The following ADAMTS17 variants were observed in gnomAD, a reference collection of about 807,000 sequenced individuals.
ADAMTS17 encodes the protein ADAM metallopeptidase with thrombospondin type 1 motif 17.
In ADAMTS17, 113 loss-of-function variants were observed where a neutral mutation model predicts 141.5. The ratio of observed to expected loss-of-function variants is 0.80; its 90% CI spans 0.69 to 0.93. The LOEUF (loss-of-function observed/expected upper bound fraction) is 0.93. Ranked by LOEUF, ADAMTS17 falls within the 40% of genes least tolerant of loss-of-function variation. ADAMTS17 has a pLI of 0.00. For missense variants in ADAMTS17, 1,659 were observed against 1,517.9 expected (o/e 1.09, Z -1.54); for synonymous variants, 768 against 630.6 (o/e 1.22, Z -3.27).
chr15:100,144,005 C>T (rs1015939306), intron 10 of ADAMTS17, among the ~76,000 whole-genome samples: 3 of 152,198 alleles, frequency 2.0e-5, no homozygotes, highest in African/African-American at 7.2e-5. Flanking sequence ...CTTCTGGAGG[C>T]ACCTGATGGA....
At chr15:100,217,110 T>TG (rs2041993092) in intron 7 of ADAMTS17, among the ~76,000 whole-genome samples, 1 of 126,026 alleles carries the variant, frequency 7.9e-6, no homozygotes, top group South Asian at 2.3e-4. Context: ...ATCTTTCTGA[T>TG]AGGAAAAATA....
intron 18 of ADAMTS17, among the ~76,000 whole-genome samples, chr15:100,003,605 A>T (rs545711918): frequency 6.6e-6 from 1 of 152,282 alleles, no homozygotes; most frequent in South Asian, 2.1e-4. Context: ...CAGCAGCATT[A>T]TTCACAATAG....
At chr15:100,297,202 G>A (rs2044854185) in intron 3 of ADAMTS17, among the ~76,000 whole-genome samples, 1 of 152,190 alleles carries the variant, frequency 6.6e-6, no homozygotes, top group Admixed American at 6.5e-5. Context: ...AGCACGGTAT[G>A]TTCTAGAAAC....
intron 4 of ADAMTS17, among the ~76,000 whole-genome samples, chr15:100,263,839 G>T (rs2043615127): frequency 6.6e-6 from 1 of 152,234 alleles, no homozygotes; most frequent in Non-Finnish European, 1.5e-5. Flanking sequence ...AGCAGGTGCT[G>T]TGTTCACGCT....
rs529255437 is a variant in ADAMTS17 at position 100,051,918 on chromosome 15, A to G, written c.2296-187T>C. ...CAGCCCTGGATTCCTCAGGGACTCA[A>G]CTGAGGAGTGGGGTGAATGCAAACC... On this transcript the variant is annotated intron_variant, in intron 16 of 21. Coordinates refer to ENST00000268070, the MANE Select transcript of ADAMTS17 (RefSeq NM_139057.4). Among the ~76,000 whole-genome samples, 29 of 152,284 alleles carry G rather than the reference A, an allele frequency of 1.9e-4. No individual in the cohort carries two copies. In the South Asian group the frequency reaches 6.0e-3, roughly 32 times the overall value.
chr15:100,283,483 T>C (rs2044349217), intron 3 of ADAMTS17, among the ~76,000 whole-genome samples: 1 of 152,226 alleles, frequency 6.6e-6, no homozygotes. Context: ...GCAGGAGCTC[T>C]GTTGTAACCA....
Position 99,973,158 on chromosome 15 carries a change from G to A in ADAMTS17, c.*1244C>T, listed in dbSNP as rs561561821. On this transcript the variant is annotated 3_prime_UTR_variant, in exon 22 of 22. Transcript: ENST00000268070. ...GCTGCCAGGCGTAAGGGGGCTGCAG[G>A]GGGGAAGGACCTTCCTTCATCATGC... is the stretch of plus-strand genomic sequence containing the variant. The A allele has an allele frequency of 1.1e-5, 1 of 89,220 alleles. No individual in the cohort carries two copies. The highest frequency in any genetic ancestry group is 2.6e-5 in the Non-Finnish European group (1 of 38,590). The allele number at this position is 89,220 out of a possible 1,614,324, so 5.5% of individuals were successfully genotyped here. A position where few individuals can be genotyped will look rare whatever the true frequency, so the allele number is the denominator to read the frequency against.
Position 100,096,604 on chromosome 15 carries a change from A to G in ADAMTS17, c.2017-128T>C, listed in dbSNP as rs1203485523. On this transcript the variant is annotated intron_variant, in intron 14 of 21. Transcript: ENST00000268070. ...GGGCCTGGGGCCCTGATCCATTCAGAGGCCCAAGAAAATATTTTAATTCAG... is the reference window on the plus strand; with the variant it reads ...GGGCCTGGGGCCCTGATCCATTCAGGGGCCCAAGAAAATATTTTAATTCAG... 2.6e-6 allele frequency: 3 copies of G among 1,163,454 alleles called. No individual in the cohort carries two copies. The African/African-American group carries it at 4.6e-5, about 18-fold the overall frequency. 72.1% of individuals were successfully genotyped at this position (1,163,454 alleles called of 1,614,324 possible).
intron 12 of ADAMTS17, among the ~76,000 whole-genome samples, chr15:100,120,508 G>A (rs546869729): frequency 2.0e-5 from 3 of 152,338 alleles, no homozygotes; most frequent in African/African-American, 7.2e-5. Flanking sequence ...CCTCCACCAG[G>A]TGAAGTGGCT....
At chr15:100,178,846 C>A (rs754403010) in intron 8 of ADAMTS17, among the ~76,000 whole-genome samples, 14 of 152,078 alleles carry the variant, frequency 9.2e-5, no homozygotes, top group Non-Finnish European at 1.6e-4. Context: ...ATTATTTCAA[C>A]ACTTAAAAAA....
intron 7 of ADAMTS17, among the ~76,000 whole-genome samples, chr15:100,225,427 G>T (rs1007649810): frequency 1.3e-5 from 2 of 152,246 alleles, no homozygotes; most frequent in African/African-American, 4.8e-5. Flanking sequence ...AGCCATTCAT[G>T]CAGTCCTTAA....
At chr15:100,133,687 G>C (rs2038177143) in intron 10 of ADAMTS17, among the ~76,000 whole-genome samples, 1 of 152,148 alleles carries the variant, frequency 6.6e-6, no homozygotes, top group Non-Finnish European at 1.5e-5. Flanking sequence ...GGCTGTCTAG[G>C]GGACACAGAA....
In ADAMTS17 at chr15:100,056,924, G is replaced by C. The variant is rs2032623285; in HGVS notation, c.2138-2870C>G. On this transcript the variant is annotated intron_variant, in intron 15 of 21. Transcript: ENST00000268070. ...CAAGCTTTATGGTAAGGTGCCTCCG[G>C]GGCCTGGGAATGTTGTGGGACGGGG... is the stretch of plus-strand genomic sequence containing the variant. Among the ~76,000 whole-genome samples the C allele has an allele frequency of 2.0e-5, 3 of 152,040 alleles. No homozygotes were observed. In the South Asian group the frequency reaches 6.2e-4, roughly 32 times the overall value.
At chr15:100,136,079 T>C in intron 10 of ADAMTS17, among the ~76,000 whole-genome samples, 2 of 152,190 alleles carry the variant, frequency 1.3e-5, no homozygotes, top group East Asian at 3.8e-4. Context: ...ATCCTAAGTA[T>C]ATAACGCAAA....
At chr15:100,052,845 G>A (rs1434343918) in intron 16 of ADAMTS17, among the ~76,000 whole-genome samples, 2 of 152,182 alleles carry the variant, frequency 1.3e-5, no homozygotes, top group Non-Finnish European at 2.9e-5. Flanking sequence ...ACATGGTTTG[G>A]TTGCACATGA....
At chr15:100,071,125 T>C (rs1434835815) in intron 15 of ADAMTS17, among the ~76,000 whole-genome samples, 1 of 150,378 alleles carries the variant, frequency 6.6e-6, no homozygotes, top group Non-Finnish European at 1.5e-5. Flanking sequence ...TCTATGCAAA[T>C]AAACTAGAAA....
chr15:99,988,688 G>C (rs956926307), intron 20 of ADAMTS17, among the ~76,000 whole-genome samples: 7 of 152,206 alleles, frequency 4.6e-5, no homozygotes, highest in African/African-American at 1.7e-4. Context: ...GTTCTTCACA[G>C]CATGGCTGGT....
intron 2 of ADAMTS17, chr15:100,338,948 T>A (rs2046285194): frequency 1.0e-6 from 1 of 985,338 alleles, no homozygotes. Flanking sequence ...AAACAAAGGG[T>A]CCACCTCCAA....
intron 15 of ADAMTS17, among the ~76,000 whole-genome samples, chr15:100,082,445 A>G (rs1435036320): frequency 6.7e-6 from 1 of 150,222 alleles, no homozygotes; most frequent in African/African-American, 2.5e-5. Flanking sequence ...CAGTGGCGTG[A>G]TCTCAGCTAA....
Sources: allele counts gnomAD v4.1 joint callset (sites outside exome capture counted in the v4.1 genomes callset), GRCh38; gene constraint gnomAD v4.1.1; transcripts MANE v1.5; gene names NCBI Gene and HGNC (gene_info 2026-07-23, HGNC 2026-07-21).